The following SRGAP2 variants were observed in gnomAD, a reference collection of about 807,000 sequenced individuals.
SRGAP2 encodes SLIT-ROBO Rho GTPase activating protein 2, also known as SLIT-ROBO Rho GTPase-activating protein 2.
In SRGAP2, 15 loss-of-function variants were observed where a neutral mutation model predicts 57.2. The ratio of observed to expected loss-of-function variants is 0.26; its 90% CI spans 0.18 to 0.40. The LOEUF is 0.40. Ranked by LOEUF, SRGAP2 falls within the 10% of genes least tolerant of loss-of-function variation. The probability of loss-of-function intolerance (pLI) is 1.00; values close to 1 mark genes in which losing one functional copy is unlikely to be tolerated. For synonymous variants in SRGAP2, 249 were observed against 248.0 expected (o/e 1.00, Z -0.04); for missense variants, 520 against 669.6 (o/e 0.78, Z 2.47).
At chr1:206,303,521 C>T (rs1459018754) in intron 3 of SRGAP2, 48 bp downstream of exon 3, 8 of 1,026,508 alleles carry the variant, frequency 7.8e-6, no homozygotes, top group African/African-American at 1.7e-5. Flanking sequence ...AATATGGGGT[C>T]CAGGGTGGAG....
intron 7 of SRGAP2, among the ~76,000 whole-genome samples, chr1:206,394,802 A>G (rs1657409235): frequency 2.0e-5 from 3 of 151,852 alleles, no homozygotes. Context: ...GGGTCTTACA[A>G]GCCCTCTCAC....
At chr1:206,413,936 G>T (rs942878838) in intron 10 of SRGAP2, among the ~76,000 whole-genome samples, 2 of 152,076 alleles carry the variant, frequency 1.3e-5, no homozygotes, top group African/African-American at 4.8e-5. Flanking sequence ...ACAAGAGAGA[G>T]AATCAGATGC....
intron 14 of SRGAP2, among the ~76,000 whole-genome samples, chr1:206,434,903 T>C (rs1553369463): frequency 4.6e-5 from 7 of 152,252 alleles, no homozygotes; most frequent in Non-Finnish European, 1.0e-4. Context: ...TAGAACATAG[T>C]GAGTAGCCTG....
intron 15 of SRGAP2, among the ~76,000 whole-genome samples, chr1:206,437,318 G>C (rs189786079): frequency 1.3e-5 from 2 of 152,152 alleles, no homozygotes; most frequent in African/African-American, 4.8e-5. Flanking sequence ...ATATCTGGGC[G>C]GTTTATGGCT....
chr1:206,319,542 G>C (rs1457153884), intron 3 of SRGAP2, among the ~76,000 whole-genome samples: 1 of 146,052 alleles, frequency 6.8e-6, no homozygotes. Flanking sequence ...CAGATGATAA[G>C]TGCTTAGGAA....
intron 2 of SRGAP2, among the ~76,000 whole-genome samples, chr1:206,236,354 A>G (rs1330342980): frequency 3.3e-5 from 5 of 152,262 alleles, no homozygotes; most frequent in African/African-American, 7.2e-5. Flanking sequence ...GGTCTTGGGA[A>G]GGGATCTTAC....
intron 3 of SRGAP2, chr1:206,333,209 C>G: frequency 3.5e-6 from 2 of 569,582 alleles, no homozygotes; most frequent in Middle Eastern, 5.0e-4. Flanking sequence ...CTGCTCTCTT[C>G]AAAGCTCAGA....
At chr1:206,354,124 A>G (rs1428703707) in intron 4 of SRGAP2, among the ~76,000 whole-genome samples, 2 of 152,166 alleles carry the variant, frequency 1.3e-5, no homozygotes, top group African/African-American at 4.8e-5. Context: ...TTTAACATTG[A>G]CATTATCTGT....
intron 2 of SRGAP2, among the ~76,000 whole-genome samples, chr1:206,262,560 T>A (rs1269120150): frequency 7.9e-5 from 12 of 151,194 alleles, no homozygotes; most frequent in Admixed American, 7.9e-4. Flanking sequence ...ACTTGGGAAT[T>A]CATTTGGAGG....
intron 12 of SRGAP2, among the ~76,000 whole-genome samples, chr1:206,420,532 A>G (rs1553363959): frequency 1.3e-5 from 2 of 152,102 alleles, no homozygotes; most frequent in Non-Finnish European, 1.5e-5. Context: ...AGAGCACTCC[A>G]CTAGATTCAA....
intron 2 of SRGAP2, among the ~76,000 whole-genome samples, chr1:206,299,572 CG>C (rs1173959564): frequency 6.6e-6 from 1 of 151,312 alleles, no homozygotes; most frequent in Non-Finnish European, 1.5e-5. Flanking sequence ...TGTGCATGAA[CG>C]GGGACTGGGG....
chr1:206,458,729 A>G lies in SRGAP2; in HGVS notation c.2614A>G (p.Ser872Gly), dbSNP rs782586714. 1 of 780,572 alleles carries G rather than the reference A, an allele frequency of 1.3e-6. No individual in the cohort carries two copies. The highest frequency in any genetic ancestry group is 1.3e-5 in the South Asian group (1 of 74,524). The allele number at this position is 780,572 out of a possible 1,614,324, so 48.4% of individuals were successfully genotyped here. A position where few individuals can be genotyped will look rare whatever the true frequency, so the allele number is the denominator to read the frequency against. The change falls in exon 22 of 23, where the codon AGC (serine) becomes GGC (glycine). Residue 872 changes from serine (S) to glycine (G), a missense_variant. Ser to Gly is a moderately conservative substitution (Grantham distance 56). Coordinates refer to ENST00000573034, the MANE Select transcript of SRGAP2 (RefSeq NM_015326.5). ...CTCCTCCTCCCCAGGGGTGGGGGCT[A>G]GCTGCCGCCCATCCTCCCAGCCCAT... ...TDSSSPGVGA[S>G]CRPSSQPIMS...
intron 2 of SRGAP2, among the ~76,000 whole-genome samples, chr1:206,254,529 A>G (rs1669066496): frequency 6.8e-6 from 1 of 146,144 alleles, no homozygotes; most frequent in South Asian, 2.2e-4. Context: ...TTAGATGCTC[A>G]TATTGTCTCA....
chr1:206,276,584 A>G (rs1670425914), intron 2 of SRGAP2, among the ~76,000 whole-genome samples: 3 of 151,698 alleles, frequency 2.0e-5, no homozygotes, highest in African/African-American at 7.3e-5. Flanking sequence ...TGCTTTGGGC[A>G]TATGGATTAT....
intron 10 of SRGAP2, among the ~76,000 whole-genome samples, chr1:206,412,350 A>G (rs1659293431): frequency 6.6e-6 from 1 of 152,206 alleles, no homozygotes; most frequent in African/African-American, 2.4e-5. Context: ...TTTTGAAGAA[A>G]TTCTCAGTTT....
chr1:206,228,772 A>G (rs561830538), intron 2 of SRGAP2, among the ~76,000 whole-genome samples: 2 of 151,794 alleles, frequency 1.3e-5, no homozygotes, highest in East Asian at 3.9e-4. Context: ...AATACTGTAC[A>G]AAGGAATGAC....
At chr1:206,446,039 A>G in intron 17 of SRGAP2, 36 bp from the exon 18 acceptor site, 2 of 776,192 alleles carry the variant, frequency 2.6e-6, no homozygotes, top group Non-Finnish European at 4.8e-6. Flanking sequence ...TTCATGCGAG[A>G]GCTTTCCAGC....
At chr1:206,443,915 C>T (rs781785823) in intron 17 of SRGAP2, among the ~76,000 whole-genome samples, 25 of 152,062 alleles carry the variant, frequency 1.6e-4, no homozygotes, top group Non-Finnish European at 2.6e-4. Context: ...TTAGGACAGG[C>T]GCAGTAGCTC....
At position 206,220,916 on chromosome 1, in the gene SRGAP2, C is replaced by T. The variant is rs1365694821; in HGVS notation, c.67+14879C>T. ...TCATGAGCTAATTTCAACCTGGCAG[C>T]CATTTATTTAGCACCTACTGTATGT... On this transcript the variant is annotated intron_variant, in intron 2 of 22. Coordinates refer to ENST00000573034, the MANE Select transcript of SRGAP2 (RefSeq NM_015326.5). Among the ~76,000 whole-genome samples, 3 of 149,554 alleles carry T rather than the reference C, an allele frequency of 2.0e-5. No individual in the cohort carries two copies. The East Asian group carries it at 5.9e-4, about 29-fold the overall frequency.
Sources: gnomAD v4.1 joint callset for allele counts (sites outside exome capture counted in the v4.1 genomes callset) on GRCh38, gnomAD v4.1.1 for gene constraint, MANE v1.5 for transcripts, NCBI Gene and HGNC (gene_info 2026-07-23, HGNC 2026-07-21) for gene names.